GPHB5: variants seen among roughly 807,000 people sequenced by gnomAD.
GPHB5 encodes glycoprotein hormone beta-5.
Under a neutral mutation model 10.1 loss-of-function variants are expected in GPHB5, and 7 were observed. That is an observed-to-expected ratio of 0.69 (90% CI 0.39 to 1.30). The LOEUF is 1.30. GPHB5 is among the 50% of genes most tolerant of loss of function. GPHB5 has a pLI of 0.01. For missense variants in GPHB5, 161 were observed against 169.8 expected (o/e 0.95, Z 0.29); for synonymous variants, 68 against 70.1 (o/e 0.97, Z 0.15).
intron 2 of GPHB5, among the ~76,000 whole-genome samples, chr14:63,317,408 T>C (rs559938050): frequency 2.0e-5 from 3 of 152,298 alleles, no homozygotes; most frequent in Admixed American, 6.5e-5. Context: ...CCCAGATACA[T>C]AGACACAATG....
At chr14:63,314,798 G>T in intron 2 of GPHB5, among the ~76,000 whole-genome samples, 1 of 151,286 alleles carries the variant, frequency 6.6e-6, no homozygotes. Flanking sequence ...TTGCTTTTTG[G>T]TTCTTCTTTG....
At chr14:63,316,917 C>T (rs182302614) in intron 2 of GPHB5, among the ~76,000 whole-genome samples, 3 of 152,328 alleles carry the variant, frequency 2.0e-5, no homozygotes, top group Admixed American at 6.5e-5. Flanking sequence ...ACAGTCACTA[C>T]GTAATGTGAT....
intron 1 of GPHB5, among the ~76,000 whole-genome samples, chr14:63,318,130 T>C (rs1422423847): frequency 2.0e-5 from 3 of 152,246 alleles, no homozygotes; most frequent in Non-Finnish European, 2.9e-5. Flanking sequence ...TTGACTTGTG[T>C]GTTAAAGAAG....
chr14:63,315,286 G>T (rs1232705637), intron 2 of GPHB5, among the ~76,000 whole-genome samples: 1 of 152,096 alleles, frequency 6.6e-6, no homozygotes, highest in African/African-American at 2.4e-5. Context: ...TCCCGTATTT[G>T]CTTTAAGTCC....
At chr14:63,317,612 A>C in intron 2 of GPHB5, 34 bp downstream of exon 2, 2 of 1,603,752 alleles carry the variant, frequency 1.2e-6, no homozygotes, top group South Asian at 2.2e-5. Context: ...GCTGGCCTAG[A>C]AGACACTGTC....
intron 1 of GPHB5, 71 bp from the exon 2 acceptor site, chr14:63,317,921 C>T (rs1313202560): frequency 1.4e-6 from 2 of 1,385,120 alleles, no homozygotes; most frequent in Non-Finnish European, 1.0e-6. Context: ...GCCAACCATG[C>T]ATTTGTCACT....
chr14:63,313,858 C>T (rs1468043036), intron 2 of GPHB5, among the ~76,000 whole-genome samples: 3 of 152,090 alleles, frequency 2.0e-5, no homozygotes. Flanking sequence ...CTTCCCATCC[C>T]CCATCTTGCT....
At chr14:63,313,699 C>T (rs993708142) in intron 2 of GPHB5, among the ~76,000 whole-genome samples, 2 of 152,162 alleles carry the variant, frequency 1.3e-5, no homozygotes, top group Non-Finnish European at 2.9e-5. Flanking sequence ...GGCCTTTGCA[C>T]TTACCGTTCC....
chr14:63,315,132 G>C (rs945712543), intron 2 of GPHB5, among the ~76,000 whole-genome samples: 1 of 151,848 alleles, frequency 6.6e-6, no homozygotes, highest in African/African-American at 2.4e-5. Flanking sequence ...GGCCAGGCTG[G>C]TCTCGAACTC....
chr14:63,317,605 G>C (rs1172247896), intron 2 of GPHB5, 41 bp downstream of exon 2: 7 of 1,583,658 alleles, frequency 4.4e-6, no homozygotes, highest in Non-Finnish European at 6.1e-6. Context: ...CCAAGCTGCT[G>C]GCCTAGAAGA....
rs1018987039 is a variant in GPHB5, at chr14:63,315,416, G to A, written c.204+2230C>T. On this transcript the variant is annotated intron_variant, in intron 2 of 2. Transcript: ENST00000621500. ...TACTGTATGAGACAGACAGACTTACGCTAAAAATTTATTTATTATTTATCT... is the reference window on the plus strand; with the variant it reads ...TACTGTATGAGACAGACAGACTTACACTAAAAATTTATTTATTATTTATCT... 5.3e-5 allele frequency among the ~76,000 whole-genome samples: 8 copies of A among 152,226 alleles called. No individual in the cohort carries two copies. The East Asian group carries it at 9.6e-4, about 18-fold the overall frequency.
intron 2 of GPHB5, among the ~76,000 whole-genome samples, chr14:63,316,453 A>G (rs1461489881): frequency 1.3e-5 from 2 of 152,212 alleles, no homozygotes; most frequent in Non-Finnish European, 2.9e-5. Context: ...ACATCTTGAC[A>G]AAAGCTGTGA....
intron 2 of GPHB5, among the ~76,000 whole-genome samples, chr14:63,315,164 C>T (rs569660127): frequency 1.3e-5 from 2 of 152,040 alleles, no homozygotes; most frequent in Admixed American, 1.3e-4. Context: ...ATCCACCCAC[C>T]ACAGCCTCCC....
chr14:63,316,173 GA>G (rs1882767655), intron 2 of GPHB5, among the ~76,000 whole-genome samples: 1 of 152,236 alleles, frequency 6.6e-6, no homozygotes, highest in Non-Finnish European at 1.5e-5. Context: ...TGAGGCAAAA[GA>G]AAACTACTTT....
At chr14:63,316,546 T>C (rs778395519) in intron 2 of GPHB5, among the ~76,000 whole-genome samples, 1 of 152,042 alleles carries the variant, frequency 6.6e-6, no homozygotes. Context: ...AAGTAGAGCA[T>C]AGTCAAGGGC....
Position 63,312,924 on chromosome 14 carries a change from G to C in GPHB5, c.*4C>G. On this transcript the variant is annotated 3_prime_UTR_variant, in exon 3 of 3. Transcript: ENST00000621500. ...GGTGGGTCTGCAGAGAGCAGCTAGC[G>C]GCCTCAGATGGTCTCACACTCCGTG... The C allele has an allele frequency of 6.4e-7, 1 of 1,551,346 alleles. No individual in the cohort carries two copies. Among genetic ancestry groups the C allele is most frequent in the African/African-American group, 1.4e-5 (1 of 73,168 alleles).
At chr14:63,316,970 AC>A (rs1882781458) in intron 2 of GPHB5, among the ~76,000 whole-genome samples, 1 of 152,216 alleles carries the variant, frequency 6.6e-6, no homozygotes, top group African/African-American at 2.4e-5. Flanking sequence ...CATCACTCAA[AC>A]AGCTCCTCTT....
At chr14:63,314,513 C>T (rs980045019) in intron 2 of GPHB5, among the ~76,000 whole-genome samples, 23 of 148,950 alleles carry the variant, frequency 1.5e-4, no homozygotes, top group African/African-American at 4.6e-4. Flanking sequence ...CTCCGCCTCC[C>T]GGGTTCACGC....
intron 2 of GPHB5, among the ~76,000 whole-genome samples, chr14:63,314,537 C>T (rs180986206): frequency 1.1e-4 from 15 of 137,628 alleles, no homozygotes; most frequent in Non-Finnish European, 1.6e-4. Flanking sequence ...TCTCCTGCCT[C>T]AGCCTCCCGG....
Sources: allele counts gnomAD v4.1 joint callset (sites outside exome capture counted in the v4.1 genomes callset), GRCh38; gene constraint gnomAD v4.1.1; transcripts MANE v1.5; gene names NCBI Gene and HGNC (gene_info 2026-07-23, HGNC 2026-07-21).